Variants in ALG9 observed in about 807,000 individuals in gnomAD.
ALG9 encodes ALG9 alpha-1,2-mannosyltransferase, also known as alpha-1,2-mannosyltransferase ALG9.
ALG9 carries 55 observed loss-of-function variants against 81.8 expected under a neutral mutation model. The observed-to-expected ratio is 0.67, with a 90% CI of 0.54 to 0.84. The LOEUF (loss-of-function observed/expected upper bound fraction) is 0.84. Among genes scored for constraint, ALG9 ranks in the 40% least tolerant of loss-of-function variants. The probability of loss-of-function intolerance (pLI) is 0.00; values close to 1 mark genes in which losing one functional copy is unlikely to be tolerated. For missense variants in ALG9, 629 were observed against 745.0 expected, an observed-to-expected ratio of 0.84 and a Z score of 1.81; for synonymous variants, 278 against 274.3, an observed-to-expected ratio of 1.01 and a Z score of -0.13.
At chr11:111,869,045 C>T (rs1260671938) in intron 2 of ALG9, among the ~76,000 whole-genome samples, 1 of 152,116 alleles carries the variant, frequency 6.6e-6, no homozygotes, top group Non-Finnish European at 1.5e-5. Context: ...TCACTTGAGC[C>T]TGGGAATTAG....
At chr11:111,788,509 T>C (rs1555067314) in intron 14 of ALG9, 2 of 451,636 alleles carry the variant, frequency 4.4e-6, no homozygotes, top group Non-Finnish European at 8.9e-6. Context: ...TTTGAGAGGC[T>C]GAGGTGGGAG....
chr11:111,820,920 GCACA>G (rs58305552), intron 13 of ALG9, among the ~76,000 whole-genome samples: 129 of 146,252 alleles, frequency 8.8e-4, no homozygotes, highest in East Asian at 2.1e-3. Flanking sequence ...AAACACGCGC[GCACA>G]CACACACACA....
chr11:111,830,045 G>C (rs1954083719), intron 13 of ALG9, among the ~76,000 whole-genome samples: 1 of 152,200 alleles, frequency 6.6e-6, no homozygotes, highest in Non-Finnish European at 1.5e-5. Flanking sequence ...GGAAAGGGAA[G>C]CAAAGAAATG....
At chr11:111,834,966 G>A (rs1555116177) in intron 13 of ALG9, among the ~76,000 whole-genome samples, 3 of 152,186 alleles carry the variant, frequency 2.0e-5, no homozygotes, top group African/African-American at 2.4e-5. Context: ...GTCTTTAAGT[G>A]TCCATTTTCA....
At chr11:111,807,238 A>G (rs977660923) in intron 14 of ALG9, among the ~76,000 whole-genome samples, 4 of 152,120 alleles carry the variant, frequency 2.6e-5, no homozygotes, top group African/African-American at 9.7e-5. Context: ...ATAGCCTACA[A>G]AGCTCTTTAT....
intron 8 of ALG9, chr11:111,849,620 TCTCTCC>T (rs1351931265): frequency 6.6e-6 from 1 of 152,102 alleles, no homozygotes; most frequent in Non-Finnish European, 1.5e-5. Flanking sequence ...ATCCTGATGC[TCTCTCC>T]CTCCCTCCGC....
At chr11:111,832,556 A>G (rs1454067746) in intron 13 of ALG9, among the ~76,000 whole-genome samples, 1 of 152,206 alleles carries the variant, frequency 6.6e-6, no homozygotes, top group Non-Finnish European at 1.5e-5. Flanking sequence ...GGCATGAGCC[A>G]TCATGCATGG....
At chr11:111,805,205 T>C (rs1949735966) in intron 14 of ALG9, 4 of 455,594 alleles carry the variant, frequency 8.8e-6, no homozygotes, top group Non-Finnish European at 1.3e-5. Context: ...AGCTAGCTTG[T>C]CTTCTTGCAG....
At chr11:111,776,818 T>C in the ALG9 span, among the ~76,000 whole-genome samples, 1 of 152,154 alleles carries the variant, frequency 6.6e-6, no homozygotes, top group Non-Finnish European at 1.5e-5. Context: ...AAAATGCAAA[T>C]TCTACTTCCT....
rs1828299973 is a variant in ALG9, at chr11:111,782,360, C to G, written c.*4037G>C. 1 of 152,576 alleles carries G rather than the reference C, an allele frequency of 6.6e-6. No homozygotes were observed. The highest frequency in any genetic ancestry group is 6.5e-5 in the Admixed American group (1 of 15,274). 9.5% of individuals were successfully genotyped at this position (152,576 alleles called of 1,614,324 possible). A position where few individuals can be genotyped will look rare whatever the true frequency, so the allele number is the denominator to read the frequency against. On this transcript the variant is annotated 3_prime_UTR_variant, in exon 15 of 15. Transcript: ENST00000616540. ...TCCTGATTTCATTTGCAGCATGAAT[C>G]ACCTGGTTATACAGACTGGCAGAAG...
chr11:111,805,434 A>C (rs1180917040), intron 14 of ALG9: 1 of 428,180 alleles, frequency 2.3e-6, no homozygotes, highest in African/African-American at 2.0e-5. Context: ...TCAGTAGGTG[A>C]ATAAACTGTG....
At chr11:111,864,199 C>T in intron 4 of ALG9, 1 of 638,058 alleles carries the variant, frequency 1.6e-6, no homozygotes, top group Admixed American at 2.6e-5. Flanking sequence ...TTCAGTCAGG[C>T]CCCGCTGACC....
chr11:111,844,784 T>C (rs1956719787), intron 8 of ALG9, 61 bp from the exon 9 acceptor site: 2 of 1,566,406 alleles, frequency 1.3e-6, no homozygotes, highest in African/African-American at 1.4e-5. Context: ...ATTACGGTGC[T>C]TGACATATAA....
In ALG9 at chr11:111,783,738, T is replaced by C. The variant is rs1201643221; in HGVS notation, c.*2659A>G. 1 of 152,222 alleles carries C rather than the reference T, an allele frequency of 6.6e-6. No individual in the cohort carries two copies. The highest frequency in any genetic ancestry group is 1.5e-5 in the Non-Finnish European group (1 of 68,036). The allele number at this position is 152,222 out of a possible 1,614,324, so 9.4% of individuals were successfully genotyped here. A position where few individuals can be genotyped will look rare whatever the true frequency, so the allele number is the denominator to read the frequency against. On this transcript the variant is annotated 3_prime_UTR_variant, in exon 15 of 15. Transcript: ENST00000616540. Reference sequence around the variant, plus strand: ...CTTCACAACAAAAAACATTCATTTCTATATTCCTTACCTATAACATTTGGC... The same window carrying C: ...CTTCACAACAAAAAACATTCATTTCCATATTCCTTACCTATAACATTTGGC...
chr11:111,798,747 A>T (rs1432540586), intron 14 of ALG9, among the ~76,000 whole-genome samples: 4 of 152,224 alleles, frequency 2.6e-5, no homozygotes, highest in African/African-American at 9.6e-5. Context: ...GAGACATGGC[A>T]AACTCAGGGA....
chr11:111,808,624 C>T (rs1317421204), intron 14 of ALG9, among the ~76,000 whole-genome samples: 1 of 152,178 alleles, frequency 6.6e-6, no homozygotes, highest in Admixed American at 6.5e-5. Flanking sequence ...GTGCTTACTT[C>T]GTCTTTCTGG....
chr11:111,830,969 G>A (rs1441265508), intron 13 of ALG9, among the ~76,000 whole-genome samples: 1 of 152,064 alleles, frequency 6.6e-6, no homozygotes, highest in African/African-American at 2.4e-5. Context: ...CCTGGAGTTC[G>A]AGACCAGCCT....
chr11:111,838,382 G>T lies in ALG9; in HGVS notation c.1191C>A (p.Phe397Leu), dbSNP rs782218402. 6.2e-7 allele frequency: 1 copy of T among 1,612,296 alleles called. No individual in the cohort carries two copies. Among genetic ancestry groups the T allele is most frequent in the Non-Finnish European group, 8.5e-7 (1 of 1,178,334 alleles). Reference sequence around the variant, plus strand: ...GAAACACAAAGTGGTAACATTTCTGGAAGTACAGAAAACTGTGCTGATAAA... The same window carrying T: ...GAAACACAAAGTGGTAACATTTCTGTAAGTACAGAAAACTGTGCTGATAAA... ...LSALQHSFLY[F>L]QKCYHFVFQR... The change falls in exon 11 of 15, where the codon TTC (phenylalanine) becomes TTA (leucine). Residue 397 changes from phenylalanine (F) to leucine (L), a missense_variant. By Grantham distance (22) the Phe-to-Leu change is conservative (BLOSUM62 0). Coordinates refer to ENST00000616540, the MANE Select transcript of ALG9 (RefSeq NM_024740.2).
chr11:111,777,846 G>A (rs1480391348), downstream of ALG9, among the ~76,000 whole-genome samples: 1 of 152,192 alleles, frequency 6.6e-6, no homozygotes, highest in African/African-American at 2.4e-5. Context: ...AGAAAGAGGT[G>A]AGACCAACTC....
Sources: gnomAD v4.1 joint callset for allele counts (sites outside exome capture counted in the v4.1 genomes callset) on GRCh38, gnomAD v4.1.1 for gene constraint, MANE v1.5 for transcripts, NCBI Gene and HGNC (gene_info 2026-07-23, HGNC 2026-07-21) for gene names.